Variants in ZPBP observed in about 807,000 individuals in gnomAD.
ZPBP encodes the protein zona pellucida binding protein, also known as zona pellucida-binding protein 1.
Under a neutral mutation model 44.8 loss-of-function variants are expected in ZPBP, and 26 were observed. The ratio of observed to expected loss-of-function variants is 0.58; its 90% CI spans 0.43 to 0.81. ZPBP has a LOEUF of 0.81. Among genes scored for constraint, ZPBP ranks in the 30% least tolerant of loss-of-function variants. ZPBP has a pLI of 0.00. For missense variants in ZPBP, 409 were observed against 434.0 expected, an observed-to-expected ratio of 0.94 and a Z score of 0.51; for synonymous variants, 174 against 153.2, an observed-to-expected ratio of 1.14 and a Z score of -1.00.
At chr7:50,016,538 C>A (rs557443753) in intron 6 of ZPBP, among the ~76,000 whole-genome samples, 1 of 151,788 alleles carries the variant, frequency 6.6e-6, no homozygotes, top group East Asian at 1.9e-4. Flanking sequence ...ACATGTACCC[C>A]CTGAATGTAA....
chr7:49,884,766 C>T (rs1273066578), intron 2 of ZPBP, among the ~76,000 whole-genome samples: 6 of 151,016 alleles, frequency 4.0e-5, no homozygotes, highest in Admixed American at 6.6e-5. Flanking sequence ...CACTCATAAA[C>T]GGGGAAAAAA....
intron 2 of ZPBP, among the ~76,000 whole-genome samples, chr7:49,885,194 T>C (rs1161182164): frequency 6.6e-6 from 1 of 152,156 alleles, no homozygotes; most frequent in Non-Finnish European, 1.5e-5. Flanking sequence ...AATTGTTAAA[T>C]AATTTAGTTC....
chr7:49,931,978 A>C (rs1338180695), intron 1 of ZPBP, among the ~76,000 whole-genome samples: 1 of 152,204 alleles, frequency 6.6e-6, no homozygotes, highest in African/African-American at 2.4e-5. Flanking sequence ...AAGCCTTGTA[A>C]ATTTACATGT....
intron 4 of ZPBP, among the ~76,000 whole-genome samples, chr7:50,055,602 A>T (rs1800901351): frequency 6.6e-6 from 1 of 152,146 alleles, no homozygotes; most frequent in South Asian, 2.1e-4. Context: ...TTACGAGACC[A>T]AAAATAGCAG....
intron 6 of ZPBP, among the ~76,000 whole-genome samples, chr7:49,988,853 T>C (rs1156319342): frequency 1.3e-5 from 2 of 152,244 alleles, no homozygotes; most frequent in Non-Finnish European, 2.9e-5. Flanking sequence ...AATAGAAAAC[T>C]GAAGTAATGT....
At chr7:50,046,186 T>C (rs1284515779) in intron 4 of ZPBP, among the ~76,000 whole-genome samples, 5 of 152,072 alleles carry the variant, frequency 3.3e-5, no homozygotes, top group South Asian at 4.1e-4. Flanking sequence ...CCTAAAACCA[T>C]AAAAATCCTA....
intron 6 of ZPBP, among the ~76,000 whole-genome samples, chr7:50,009,608 T>C (rs974269191): frequency 6.6e-6 from 1 of 152,054 alleles, no homozygotes; most frequent in Non-Finnish European, 1.5e-5. Flanking sequence ...ATAATTTCTG[T>C]GGTCATGTTA....
At chr7:49,937,436 TATG>T (rs1223195585), downstream of ZPBP, 5 of 987,752 alleles carry the variant, frequency 5.1e-6, no homozygotes, top group East Asian at 2.6e-5. Flanking sequence ...TTTTGTAAAA[TATG>T]ATTAATTTTG....
chr7:50,079,200 A>G (rs1428497606), intron 3 of ZPBP, among the ~76,000 whole-genome samples: 1 of 151,620 alleles, frequency 6.6e-6, no homozygotes, highest in Non-Finnish European at 1.5e-5. Flanking sequence ...GTGTGTTCCT[A>G]CCTCATTGAG....
chr7:49,861,628 T>TA (rs1192225536), intron 2 of ZPBP, among the ~76,000 whole-genome samples: 1 of 152,246 alleles, frequency 6.6e-6, no homozygotes. Flanking sequence ...GATTTTTAGA[T>TA]ATTGCCTTTA....
intron 2 of ZPBP, among the ~76,000 whole-genome samples, chr7:49,881,617 A>T (rs2128727293): frequency 6.6e-6 from 1 of 152,278 alleles, no homozygotes; most frequent in East Asian, 1.9e-4. Context: ...TCTTGTTCCC[A>T]TCTATCTGTG....
intron 7 of ZPBP, among the ~76,000 whole-genome samples, chr7:49,963,893 T>C (rs1795956146): frequency 6.6e-6 from 1 of 151,194 alleles, no homozygotes; most frequent in Admixed American, 6.6e-5. Context: ...GCCAGCATAA[T>C]AAAAATGAAA....
At chr7:49,943,944 AT>A in intron 7 of ZPBP, 1 of 322,222 alleles carries the variant, frequency 3.1e-6, no homozygotes, top group Non-Finnish European at 6.0e-6. Context: ...ACATTTCAGC[AT>A]TTTCTAGAAA....
chr7:50,031,517 A>G (rs766163081), intron 4 of ZPBP, among the ~76,000 whole-genome samples: 151 of 152,302 alleles, frequency 9.9e-4, no homozygotes, highest in Non-Finnish European at 1.8e-3. Context: ...ATAGTGACTC[A>G]TTTGAATCTC....
chr7:49,957,717 C>T lies in ZPBP; in HGVS notation c.962-20095G>A, dbSNP rs142182542. 3.3e-5 allele frequency among the ~76,000 whole-genome samples: 5 copies of T among 152,248 alleles called. No individual in the cohort carries two copies. In the East Asian group the frequency reaches 7.7e-4, roughly 24 times the overall value. On this transcript the variant is annotated intron_variant, in intron 7 of 7. Coordinates refer to ENST00000046087, the MANE Select transcript of ZPBP (RefSeq NM_007009.3). ...GAGACTTACCATAGGGGCAGAGCCACGGCAGAGAGCCTCTACTGTGGTAAT... is the reference window on the plus strand; with the variant it reads ...GAGACTTACCATAGGGGCAGAGCCATGGCAGAGAGCCTCTACTGTGGTAAT...
intron 3 of ZPBP, among the ~76,000 whole-genome samples, chr7:50,060,273 C>T (rs571613767): frequency 6.6e-6 from 1 of 151,530 alleles, no homozygotes; most frequent in Non-Finnish European, 1.5e-5. Context: ...TGCAGTGGAG[C>T]ATGGCCAGGG....
chr7:49,842,326 T>C, the ZPBP span, among the ~76,000 whole-genome samples: 12 of 151,994 alleles, frequency 7.9e-5, no homozygotes, highest in African/African-American at 2.9e-4. Flanking sequence ...CCTAAAACTA[T>C]ATTATCTGTA....
At chr7:50,055,821 T>C (rs907570944) in intron 4 of ZPBP, among the ~76,000 whole-genome samples, 6 of 152,240 alleles carry the variant, frequency 3.9e-5, no homozygotes, top group Non-Finnish European at 7.4e-5. Context: ...TAGGCACTTT[T>C]ACATTTGTTA....
chr7:49,850,215 T>C (rs1259855778), downstream of ZPBP, among the ~76,000 whole-genome samples: 1 of 152,192 alleles, frequency 6.6e-6, no homozygotes, highest in Non-Finnish European at 1.5e-5. Context: ...CTGTCATCAA[T>C]GAAGGTTTGA....
Sources: gnomAD v4.1 joint callset for allele counts (sites outside exome capture counted in the v4.1 genomes callset) on GRCh38, gnomAD v4.1.1 for gene constraint, MANE v1.5 for transcripts, NCBI Gene and HGNC (gene_info 2026-07-23, HGNC 2026-07-21) for gene names.